The following AGAP3 variants were observed in gnomAD, a reference collection of about 807,000 sequenced individuals.
The protein encoded by AGAP3 is arf-GAP with GTPase, ANK repeat and PH domain-containing protein 3.
AGAP3 carries 24 observed loss-of-function variants against 96.9 expected under a neutral mutation model. The observed-to-expected ratio is 0.25, with a 90% CI of 0.18 to 0.35. AGAP3 has a LOEUF of 0.35. Ranked by LOEUF, AGAP3 falls within the 10% of genes least tolerant of loss-of-function variation. The probability of loss-of-function intolerance (pLI) is 1.00; values close to 1 mark genes in which losing one functional copy is unlikely to be tolerated. For synonymous variants in AGAP3, 563 were observed against 536.1 expected, an observed-to-expected ratio of 1.05 and a Z score of -0.69; for missense variants, 876 against 1,254.2, an observed-to-expected ratio of 0.70 and a Z score of 4.55.
Position 151,117,081 on chromosome 7 carries a change from T to C in AGAP3, c.391-14T>C. 3 of 1,612,458 alleles carry C rather than the reference T, an allele frequency of 1.9e-6. No individual in the cohort carries two copies. Among genetic ancestry groups the C allele is most frequent in the Non-Finnish European group, 2.5e-6 (3 of 1,178,886 alleles). On this transcript the variant is annotated splice_polypyrimidine_tract_variant and intron_variant, in intron 2 of 17. Coordinates refer to ENST00000397238, the MANE Select transcript of AGAP3 (RefSeq NM_031946.7). Reference sequence around the variant, plus strand: ...CTCTGCCCTCTGACCCACTCACCCCTTCCTCTCCCGCAGGGCATAGTGGGG... The same window carrying C: ...CTCTGCCCTCTGACCCACTCACCCCCTCCTCTCCCGCAGGGCATAGTGGGG...
chr7:151,106,953 TCCA>T (rs1182167580), intron 1 of AGAP3, among the ~76,000 whole-genome samples: 2 of 152,070 alleles, frequency 1.3e-5, no homozygotes, highest in East Asian at 1.9e-4. Flanking sequence ...CCACACTTCC[TCCA>T]CATCAGTCCT....
intron 1 of AGAP3, among the ~76,000 whole-genome samples, chr7:151,097,271 C>T (rs1206367893): frequency 6.6e-6 from 1 of 151,784 alleles, no homozygotes; most frequent in Admixed American, 6.6e-5. Context: ...TGGCTCACAC[C>T]TGTAATCCCA....
At chr7:151,120,512 T>G in intron 8 of AGAP3, 2 of 753,516 alleles carry the variant, frequency 2.7e-6, no homozygotes, top group Non-Finnish European at 4.1e-6. Flanking sequence ...CCCCCTTTGA[T>G]TCAACAGCTA....
In AGAP3 at chr7:151,124,813, T is replaced by A. The variant is rs866688444; in HGVS notation, c.1221+927T>A. Reference sequence around the variant, plus strand: ...GTTTCTGACCCCCAGCCAAAGTCCATTTAGAATGAAGAGTTCCAAGCAGAG... The same window carrying A: ...GTTTCTGACCCCCAGCCAAAGTCCAATTAGAATGAAGAGTTCCAAGCAGAG... On this transcript the variant is annotated intron_variant, in intron 9 of 17. Coordinates refer to ENST00000397238, the MANE Select transcript of AGAP3 (RefSeq NM_031946.7). Among the ~76,000 whole-genome samples, 10 of 152,190 alleles carry A rather than the reference T, an allele frequency of 6.6e-5. No homozygotes were observed. The South Asian group carries it at 2.1e-3, about 32-fold the overall frequency.
At chr7:151,115,072 G>A (rs976242330) in intron 1 of AGAP3, 172 of 1,021,298 alleles carry the variant, frequency 1.7e-4, no homozygotes, top group Non-Finnish European at 2.0e-4. Context: ...CCTGCGCCCA[G>A]CCCCGCGTCC....
At chr7:151,115,404 C>T in intron 1 of AGAP3, 2 of 1,012,878 alleles carry the variant, frequency 2.0e-6, no homozygotes, top group South Asian at 4.5e-5. Context: ...GGCCCGGCCG[C>T]CGCGCGCGCG....
intron 10 of AGAP3, among the ~76,000 whole-genome samples, chr7:151,132,796 C>T (rs1800449833): frequency 6.6e-6 from 1 of 152,216 alleles, no homozygotes; most frequent in Non-Finnish European, 1.5e-5. Flanking sequence ...TGACCTGGGA[C>T]CAGGTGACTC....
chr7:151,099,650 C>T (rs544712524), intron 1 of AGAP3, among the ~76,000 whole-genome samples: 7 of 152,242 alleles, frequency 4.6e-5, no homozygotes, highest in Admixed American at 2.0e-4. Context: ...CATGTGGGCC[C>T]GGGGACTGGC....
chr7:151,118,106 C>A lies in AGAP3; in HGVS notation c.707-104C>A. The A allele has an allele frequency of 6.9e-7, 1 of 1,448,508 alleles. No individual in the cohort carries two copies. Among genetic ancestry groups the A allele is most frequent in the Non-Finnish European group, 9.3e-7 (1 of 1,070,008 alleles). The allele number at this position is 1,448,508 out of a possible 1,614,324, so 89.7% of individuals were successfully genotyped here. The stretch of plus-strand genomic sequence containing the variant: ...CGTTCTTGGTGCTCTGTGTGTTCCA[C>A]TCACCAGGCCCTTTGCACACCTGCC... On this transcript the variant is annotated intron_variant, in intron 5 of 17. Transcript: ENST00000397238. This position sits in a 1 kb window ranked among gnomAD's most constrained non-coding sequence, Gnocchi z 6.1.
Position 151,114,747 on chromosome 7 carries a change from GGCC to G in AGAP3, c.332-2045_332-2043del. 3 of 1,016,086 alleles carry G rather than the reference GGCC, an allele frequency of 3.0e-6. No homozygotes were observed. Among genetic ancestry groups the G allele is most frequent in the Non-Finnish European group, 3.5e-6 (3 of 851,184 alleles). 62.9% of individuals were successfully genotyped at this position (1,016,086 alleles called of 1,614,324 possible). A position where few individuals can be genotyped will look rare whatever the true frequency, so the allele number is the denominator to read the frequency against. On this transcript the variant is annotated intron_variant, in intron 1 of 17. Transcript: ENST00000397238. This position sits in a 1 kb window ranked among gnomAD's most constrained non-coding sequence, Gnocchi z 4.4. ...GCCCCGTGCCCCTCGCCATGGGCCT[GGCC>G]CGCGCCCGCCGGCCCTGAGCATGGA...
At position 151,144,294 on chromosome 7, in the gene AGAP3, AC is replaced by A. The variant is rs1800937022; in HGVS notation, c.*353del. The A allele has an allele frequency of 3.2e-6, 1 of 316,768 alleles. No homozygotes were observed. The highest frequency in any genetic ancestry group is 5.3e-5 in the South Asian group (1 of 18,820). The allele number at this position is 316,768 out of a possible 1,614,324, so 19.6% of individuals were successfully genotyped here. The stretch of plus-strand genomic sequence containing the variant: ...CATCCTGAAACAGGAAGAGGACGGC[AC>A]CAAGTTGGGGGTGCTGGATGAAAGA... On this transcript the variant is annotated 3_prime_UTR_variant, in exon 18 of 18. Transcript: ENST00000397238.
chr7:151,135,455 A>T (rs1343165959), intron 11 of AGAP3, among the ~76,000 whole-genome samples: 2 of 152,204 alleles, frequency 1.3e-5, no homozygotes, highest in Non-Finnish European at 2.9e-5. Context: ...GACTTAGTGG[A>T]CAGGTGGTTG....
chr7:151,139,837 A>C lies in AGAP3; in HGVS notation c.1667-142A>C. Reference sequence around the variant, plus strand: ...TGGGAAGCCCAGGCAGACCTCGCCTAGAGAGAGGTGTCCGTCTGGCTCTCC... The same window carrying C: ...TGGGAAGCCCAGGCAGACCTCGCCTCGAGAGAGGTGTCCGTCTGGCTCTCC... On this transcript the variant is annotated intron_variant, in intron 12 of 17. Transcript: ENST00000397238. This position sits in a 1 kb window ranked among gnomAD's most constrained non-coding sequence, Gnocchi z 4.9. 2.7e-6 allele frequency: 2 copies of C among 751,384 alleles called. No individual in the cohort carries two copies. The highest frequency in any genetic ancestry group is 3.8e-6 in the Non-Finnish European group (2 of 525,624). 46.5% of individuals were successfully genotyped at this position (751,384 alleles called of 1,614,324 possible). A position where few individuals can be genotyped will look rare whatever the true frequency, so the allele number is the denominator to read the frequency against.
At chr7:151,122,626 CTCCCCA>C (rs1292091905) in intron 8 of AGAP3, 1 of 1,446,912 alleles carries the variant, frequency 6.9e-7, no homozygotes, top group Non-Finnish European at 9.5e-7. Context: ...GCTGCCGCCG[CTCCCCA>C]GGCGCCTGGG....
At chr7:151,126,238 T>C (rs1039849108) in intron 9 of AGAP3, among the ~76,000 whole-genome samples, 6 of 152,076 alleles carry the variant, frequency 3.9e-5, no homozygotes, top group Non-Finnish European at 8.8e-5. Flanking sequence ...GAGCCACACG[T>C]GTCTGGGTCG....
chr7:151,101,752 C>T (rs1401324071), intron 1 of AGAP3, among the ~76,000 whole-genome samples: 1 of 152,172 alleles, frequency 6.6e-6, no homozygotes, highest in Non-Finnish European at 1.5e-5. Context: ...TAGGCCGAAC[C>T]TCCCAGGGAG....
chr7:151,123,168 C>G (rs1210062347), intron 8 of AGAP3: 7 of 1,082,780 alleles, frequency 6.5e-6, no homozygotes, highest in Non-Finnish European at 7.8e-6. Context: ...GCATGGACCT[C>G]TGCCGTTCCT....
At chr7:151,112,164 A>G (rs1252168563) in intron 1 of AGAP3, 1 of 152,140 alleles carries the variant, frequency 6.6e-6, no homozygotes, top group African/African-American at 2.4e-5. Flanking sequence ...TTTATGTGGG[A>G]GCAGGTGCCC....
rs1442755811 is a variant in AGAP3, at chr7:151,086,984, C to T, written c.243C>T (p.Pro81=). Residue 81 remains proline, a synonymous_variant, in exon 1 of 18, where the codon CCC becomes CCT. Coordinates refer to ENST00000397238, the MANE Select transcript of AGAP3 (RefSeq NM_031946.7). ...AEIQRFESVH[P]NIYAIYDLIE... ...TCCAGCGCTTCGAGTCCGTGCATCC[C>T]AATATCTACGCCATCTACGACCTGA... 1.2e-6 allele frequency: 2 copies of T among 1,613,114 alleles called. No homozygotes were observed. Among genetic ancestry groups the T allele is most frequent in the Non-Finnish European group, 8.5e-7 (1 of 1,179,618 alleles).
Sources: gnomAD v4.1 joint callset for allele counts (sites outside exome capture counted in the v4.1 genomes callset) on GRCh38, gnomAD v4.1.1 for gene constraint, Gnocchi (gnomAD v3.1) non-coding constraint, MANE v1.5 for transcripts, NCBI Gene and HGNC (gene_info 2026-07-23, HGNC 2026-07-21) for gene names.